Variants in GSTM5 observed in about 807,000 individuals in gnomAD.
The protein encoded by GSTM5 is GST class-mu 5.
GSTM5 carries 24 observed loss-of-function variants against 29.0 expected under a neutral mutation model. The observed-to-expected ratio is 0.83, with a 90% CI of 0.60 to 1.16. GSTM5 has a LOEUF of 1.16. Among genes scored for constraint, GSTM5 ranks in the 50% most tolerant of loss-of-function variants. GSTM5 has a pLI of 0.00. For synonymous variants in GSTM5, 91 were observed against 93.6 expected, an observed-to-expected ratio of 0.97 and a Z score of 0.16; for missense variants, 290 against 263.0, an observed-to-expected ratio of 1.10 and a Z score of -0.71.
In GSTM5 at chr1:109,713,177, T is replaced by C. The variant is rs555252847; in HGVS notation, c.171T>C (p.Phe57=). 7.4e-6 allele frequency: 12 copies of C among 1,612,472 alleles called. No individual in the cohort carries two copies. The highest frequency in any genetic ancestry group is 1.1e-5 in the South Asian group (1 of 90,998). The change falls in exon 3 of 8, where the codon TTT becomes TTC. Residue 57 remains phenylalanine (F), a synonymous_variant. Transcript: ENST00000256593. Reference sequence around the variant, plus strand: ...AAAAATTCAAGCTGGGCCTGGACTTTCCCAATGTAGGTGCAGGGGAAGGGG... The same window carrying C: ...AAAAATTCAAGCTGGGCCTGGACTTCCCCAATGTAGGTGCAGGGGAAGGGG... The part of the protein sequence containing the change: ...LNEKFKLGLD[F]PNLPYLIDGA...
At position 109,712,333 on chromosome 1, in the gene GSTM5, C is replaced by G. The variant is rs766716146; in HGVS notation, c.21C>G (p.Tyr7Ter). Residue 7 changes from tyrosine to a stop codon, truncating the protein, a stop_gained, in exon 1 of 8, where the codon TAC becomes TAG. Transcript: ENST00000256593. LOFTEE classifies it high-confidence loss of function. ...GCACCATGCCCATGACTCTGGGGTA[C>G]TGGGACATCCGTGGGGTAAGCGAGG... MPMTLG[Y>*]WDIRGLAHAI... The G allele has an allele frequency of 6.2e-7, 1 of 1,614,068 alleles. No homozygotes were observed. Among genetic ancestry groups the G allele is most frequent in the Admixed American group, 1.7e-5 (1 of 60,022 alleles).
chr1:109,713,261 G>T lies in GSTM5; in HGVS notation c.177+78G>T. 4 of 1,602,666 alleles carry T rather than the reference G, an allele frequency of 2.5e-6. No homozygotes were observed. In the South Asian group the frequency reaches 4.4e-5, roughly 18 times the overall value. ...TGCATCTCCTCTCCCCACCTTAGAG[G>T]TGTTAAGATCAGGAGTCTTCTGCCC... On this transcript the variant is annotated intron_variant, in intron 3 of 7. Coordinates refer to ENST00000256593, the MANE Select transcript of GSTM5 (RefSeq NM_000851.4).
rs754612756 is a variant in GSTM5 at position 109,713,550 on chromosome 1, C to G, written c.244C>G (p.Arg82Gly). 1 of 1,614,184 alleles carries G rather than the reference C, an allele frequency of 6.2e-7. No individual in the cohort carries two copies. The highest frequency in any genetic ancestry group is 1.7e-5 in the Admixed American group (1 of 60,026). ...CAATGCCATCCTGCGCTACATTGCCCGCAAGCACAACCTGTGTGAGTGTGG... is the reference window on the plus strand; with the variant it reads ...CAATGCCATCCTGCGCTACATTGCCGGCAAGCACAACCTGTGTGAGTGTGG... The part of the protein sequence containing the change: ...QSNAILRYIA[R>G]KHNLCGETEE... Residue 82 changes from arginine (R) to glycine (G), a missense_variant, in exon 4 of 8, where the codon CGC (arginine) becomes GGC (glycine). Arg to Gly is a moderately radical substitution (Grantham distance 125). Transcript: ENST00000256593.
In GSTM5 at chr1:109,714,994, G is replaced by T. The variant is rs757486209; in HGVS notation, c.408G>T (p.Lys136Asn). The change falls in exon 6 of 8, where the codon AAG (lysine) becomes AAT (asparagine). Residue 136 changes from lysine to asparagine, a missense_variant. Transcript: ENST00000256593. ...KYLEELPEKL[K>N]LYSEFLGKRP... Reference sequence around the variant, plus strand: ...TGGAGGAACTCCCTGAAAAGCTAAAGCTCTACTCAGAGTTTCTGGGGAAGC... The same window carrying T: ...TGGAGGAACTCCCTGAAAAGCTAAATCTCTACTCAGAGTTTCTGGGGAAGC... The T allele has an allele frequency of 6.2e-7, 1 of 1,614,264 alleles. No homozygotes were observed. The highest frequency in any genetic ancestry group is 1.3e-5 in the African/African-American group (1 of 75,068).
Position 109,712,601 on chromosome 1 carries a change from C to T in GSTM5, c.37-17C>T, listed in dbSNP as rs561303087. The T allele has an allele frequency of 3.7e-6, 6 of 1,613,740 alleles. No homozygotes were observed. Among genetic ancestry groups the T allele is most frequent in the South Asian group, 3.3e-5 (3 of 91,076 alleles). ...GACCCTCCATCTCTGACCCGAGCCG[C>T]GGGCCATCTCTCCCAGCTGGCCCAC... On this transcript the variant is annotated splice_polypyrimidine_tract_variant and intron_variant, in intron 1 of 7. Coordinates refer to ENST00000256593, the MANE Select transcript of GSTM5 (RefSeq NM_000851.4).
chr1:109,713,440 G>C (rs771357549), intron 3 of GSTM5, 44 bp from the exon 4 acceptor site: 2 of 1,613,384 alleles, frequency 1.2e-6, no homozygotes, highest in Admixed American at 3.3e-5. Flanking sequence ...ATGCTGGGGA[G>C]CCTGGTGGCC....
chr1:109,713,787 C>T (rs1648652413), intron 5 of GSTM5, 26 bp downstream of exon 5: 1 of 1,595,202 alleles, frequency 6.3e-7, no homozygotes, highest in South Asian at 1.1e-5. Context: ...CACTCCCAGT[C>T]ACCCATTTCC....
intron 5 of GSTM5, chr1:109,714,696 T>A: frequency 1.8e-6 from 1 of 558,800 alleles, no homozygotes; most frequent in Non-Finnish European, 3.2e-6. Context: ...ACCCAGAGGC[T>A]ATTGGGAGGC....
rs1002786945 is a variant in GSTM5 at position 109,712,969 on chromosome 1, T to C, written c.113-150T>C. Reference sequence around the variant, plus strand: ...TGGGGTCCAGAGCCCTCAGTGGGATTCTTTCTCCCTGAACCCTGGGATGTG... The same window carrying C: ...TGGGGTCCAGAGCCCTCAGTGGGATCCTTTCTCCCTGAACCCTGGGATGTG... On this transcript the variant is annotated intron_variant, in intron 2 of 7. Transcript: ENST00000256593. 3.0e-5 allele frequency: 30 copies of C among 1,007,900 alleles called. No homozygotes were observed. In the African/African-American group the frequency reaches 3.3e-4, roughly 11 times the overall value. The allele number at this position is 1,007,900 out of a possible 1,614,324, so 62.4% of individuals were successfully genotyped here. A position where few individuals can be genotyped will look rare whatever the true frequency, so the allele number is the denominator to read the frequency against.
At chr1:109,717,307 C>T (rs1648783655) in intron 7 of GSTM5, 30 bp from the exon 8 acceptor site, 1 of 1,567,388 alleles carries the variant, frequency 6.4e-7, no homozygotes, top group Non-Finnish European at 8.8e-7. Flanking sequence ...GACAGCAGAC[C>T]TGGCTCTGGC....
intron 5 of GSTM5, chr1:109,714,038 T>C: frequency 3.2e-6 from 1 of 316,372 alleles, no homozygotes; most frequent in Non-Finnish European, 6.0e-6. Flanking sequence ...CTGGCAGAGT[T>C]TGGATTTGGG....
chr1:109,711,763 G>C (rs1379728417), upstream of GSTM5, among the ~76,000 whole-genome samples: 2 of 151,536 alleles, frequency 1.3e-5, no homozygotes, highest in African/African-American at 4.8e-5. Flanking sequence ...CTAAGCCCTC[G>C]GAGTAGCTTT....
Position 109,712,298 on chromosome 1 carries a change from G to A in GSTM5, c.-15G>A, listed in dbSNP as rs748233611. The A allele has an allele frequency of 3.1e-6, 5 of 1,613,862 alleles. No homozygotes were observed. Among genetic ancestry groups the A allele is most frequent in the East Asian group, 2.2e-5 (1 of 44,884 alleles). On this transcript the variant is annotated 5_prime_UTR_variant, in exon 1 of 8. Transcript: ENST00000256593. ...CCGCTGATGCCTGTCTGCAGAATCC[G>A]CACCAACCAGCACCATGCCCATGAC...
chr1:109,715,820 G>A (rs900878059), intron 7 of GSTM5: 8 of 451,382 alleles, frequency 1.8e-5, no homozygotes, highest in African/African-American at 1.6e-4. Flanking sequence ...CTGGATTAGG[G>A]TACATATGTG....
At chr1:109,713,861 C>A in intron 5 of GSTM5, 100 bp downstream of exon 5, 2 of 772,580 alleles carry the variant, frequency 2.6e-6, no homozygotes, top group Non-Finnish European at 2.2e-6. Flanking sequence ...CTCCGGCCAG[C>A]TGACTGGAGA....
chr1:109,713,598 A>T lies in GSTM5; in HGVS notation c.259+33A>T, dbSNP rs7536162. 499 of 1,614,060 alleles carry T rather than the reference A, an allele frequency of 3.1e-4. 1 individual carries two copies. The African/African-American group carries it at 5.7e-3, about 18-fold the overall frequency. On this transcript the variant is annotated intron_variant, in intron 4 of 7. Transcript: ENST00000256593. ...TGGGTGGCTGCAATGTGCGGGGGGA[A>T]GGTGACCTCCTCCTTGGCTGGGCTG...
At position 109,713,550 on chromosome 1, in the gene GSTM5, C is replaced by A. The variant is rs754612756; in HGVS notation, c.244C>A (p.Arg82Ser). 4 of 1,614,066 alleles carry A rather than the reference C, an allele frequency of 2.5e-6. No individual in the cohort carries two copies. In the African/African-American group the frequency reaches 4.0e-5, roughly 16 times the overall value. ...QSNAILRYIA[R>S]KHNLCGETEE... ...CAATGCCATCCTGCGCTACATTGCC[C>A]GCAAGCACAACCTGTGTGAGTGTGG... Residue 82 changes from arginine (R) to serine (S), a missense_variant, in exon 4 of 8, where the codon CGC (arginine) becomes AGC (serine). By Grantham distance (110) the Arg-to-Ser change is moderately radical (BLOSUM62 -1). Transcript: ENST00000256593.
At chr1:109,714,259 G>C (rs1463175301) in intron 5 of GSTM5, 1 of 160,738 alleles carries the variant, frequency 6.2e-6, no homozygotes, top group African/African-American at 2.4e-5. Context: ...TTTGTGTTCA[G>C]AATCTCCTTC....
chr1:109,712,745 A>G lies in GSTM5; in HGVS notation c.112+52A>G. 3 of 1,602,092 alleles carry G rather than the reference A, an allele frequency of 1.9e-6. No homozygotes were observed. In the South Asian group the frequency reaches 3.3e-5, roughly 18 times the overall value. ...TGCCCACTCACGCTGAGTTGGCACC[A>G]AGCAACCCATGGTGGCCACCTGTGG... On this transcript the variant is annotated intron_variant, in intron 2 of 7. Transcript: ENST00000256593.
Sources: gnomAD v4.1 joint callset for allele counts (sites outside exome capture counted in the v4.1 genomes callset) on GRCh38, gnomAD v4.1.1 for gene constraint, MANE v1.5 for transcripts, NCBI Gene and HGNC (gene_info 2026-07-23, HGNC 2026-07-21) for gene names.